Variants in RFX3 observed in about 807,000 individuals in gnomAD.
The protein encoded by RFX3 is transcription factor RFX3.
In RFX3, 14 loss-of-function variants were observed where a neutral mutation model predicts 98.6. That is an observed-to-expected ratio of 0.14 (90% confidence interval 0.09 to 0.22). The LOEUF (loss-of-function observed/expected upper bound fraction) is 0.22, where lower values mean the gene tolerates loss of function less well. Among genes scored for constraint, RFX3 ranks in the 10% least tolerant of loss-of-function variants. The pLI is 1.00. For missense variants in RFX3, 639 were observed against 926.9 expected (o/e 0.69, Z 4.03); for synonymous variants, 383 against 328.4 (o/e 1.17, Z -1.80).
chr9:3,332,276 T>G (rs1175996237), intron 3 of RFX3, among the ~76,000 whole-genome samples: 1 of 152,190 alleles, frequency 6.6e-6, no homozygotes, highest in African/African-American at 2.4e-5. Context: ...ATCTTGGGGA[T>G]AGGACCCATA....
intron 13 of RFX3, among the ~76,000 whole-genome samples, chr9:3,257,701 C>T (rs573218005): frequency 6.6e-6 from 1 of 152,258 alleles, no homozygotes; most frequent in Non-Finnish European, 1.5e-5. Context: ...CAGAAACAAA[C>T]ACTAAATGAT....
intron 7 of RFX3, among the ~76,000 whole-genome samples, chr9:3,287,516 A>G (rs1274006857): frequency 6.6e-6 from 1 of 151,974 alleles, no homozygotes; most frequent in East Asian, 1.9e-4. Flanking sequence ...AACAGAAACT[A>G]TTAATGCTTT....
At chr9:3,282,326 C>G (rs1464362676) in intron 7 of RFX3, among the ~76,000 whole-genome samples, 1 of 151,748 alleles carries the variant, frequency 6.6e-6, no homozygotes. Flanking sequence ...ATCAACCATG[C>G]TGGTTAATGA....
chr9:3,238,113 A>G (rs1819420937), intron 15 of RFX3, among the ~76,000 whole-genome samples: 1 of 152,226 alleles, frequency 6.6e-6, no homozygotes, highest in African/African-American at 2.4e-5. Context: ...CAGTGCTTCT[A>G]CCGTGTCACA....
At chr9:3,510,769 C>T (rs1817592790) in intron 1 of RFX3, among the ~76,000 whole-genome samples, 1 of 151,944 alleles carries the variant, frequency 6.6e-6, no homozygotes, top group African/African-American at 2.4e-5. Context: ...TGCAGGGTTA[C>T]ATTTACGTTT....
chr9:3,405,199 A>T (rs1356070331), intron 1 of RFX3, among the ~76,000 whole-genome samples: 1 of 152,036 alleles, frequency 6.6e-6, no homozygotes, highest in African/African-American at 2.4e-5. Context: ...GTCCCTTTGA[A>T]CAGAAAAAAA....
intron 1 of RFX3, among the ~76,000 whole-genome samples, chr9:3,429,124 G>A (rs1587647108): frequency 2.0e-5 from 3 of 149,784 alleles, no homozygotes; most frequent in South Asian, 4.2e-4. Context: ...CCGGGTTCAT[G>A]CCATTCTCCT....
chr9:3,369,573 A>T (rs1353118515), intron 2 of RFX3, among the ~76,000 whole-genome samples: 1 of 152,218 alleles, frequency 6.6e-6, no homozygotes, highest in Non-Finnish European at 1.5e-5. Flanking sequence ...ATTTTACAAG[A>T]ATAAAAGTAA....
At chr9:3,320,266 G>C (rs1831107027) in intron 4 of RFX3, among the ~76,000 whole-genome samples, 1 of 151,942 alleles carries the variant, frequency 6.6e-6, no homozygotes, top group Admixed American at 6.6e-5. Flanking sequence ...GACATCTTTA[G>C]GATTGGCTGG....
At chr9:3,431,505 C>T (rs1224559443) in intron 1 of RFX3, among the ~76,000 whole-genome samples, 2 of 152,016 alleles carry the variant, frequency 1.3e-5, no homozygotes, top group Non-Finnish European at 2.9e-5. Flanking sequence ...ACAGTTACGC[C>T]AACAGGTATG....
intron 2 of RFX3, among the ~76,000 whole-genome samples, chr9:3,390,074 C>G (rs1840144736): frequency 6.6e-6 from 1 of 152,144 alleles, no homozygotes; most frequent in Admixed American, 6.6e-5. Flanking sequence ...TTTGAAGAAA[C>G]AGAAGAAGTG....
chr9:3,364,006 G>C (rs1162055247), intron 2 of RFX3, among the ~76,000 whole-genome samples: 2 of 152,202 alleles, frequency 1.3e-5, no homozygotes, highest in Admixed American at 1.3e-4. Context: ...CTTCTGAGTA[G>C]CTGGGACCAC....
chr9:3,363,918 C>T (rs2920357), intron 2 of RFX3, among the ~76,000 whole-genome samples: 2,177 of 152,374 alleles, frequency 0.014, 53 homozygotes, highest in African/African-American at 0.049. Flanking sequence ...CTTTGTCACC[C>T]AGGCTGGAGT....
At chr9:3,404,099 A>C (rs1323916255) in intron 1 of RFX3, among the ~76,000 whole-genome samples, 1 of 152,198 alleles carries the variant, frequency 6.6e-6, no homozygotes, top group South Asian at 2.1e-4. Context: ...AATAGAAACA[A>C]TATACCCCAT....
At chr9:3,241,519 G>T (rs1395849063) in intron 15 of RFX3, among the ~76,000 whole-genome samples, 2 of 152,114 alleles carry the variant, frequency 1.3e-5, no homozygotes, top group African/African-American at 4.8e-5. Context: ...TGAGTCAACA[G>T]ATTCCTTTCT....
At chr9:3,327,406 G>A (rs1044590843) in intron 4 of RFX3, among the ~76,000 whole-genome samples, 1 of 152,128 alleles carries the variant, frequency 6.6e-6, no homozygotes, top group Non-Finnish European at 1.5e-5. Context: ...CAGTACAATT[G>A]AGACGGGGAT....
chr9:3,424,962 G>A (rs1403917171), intron 1 of RFX3, among the ~76,000 whole-genome samples: 1 of 152,142 alleles, frequency 6.6e-6, no homozygotes, highest in Admixed American at 6.5e-5. Context: ...AGGCACAGTG[G>A]TTCATACCTG....
At chr9:3,396,352 C>A (rs954590789) in intron 1 of RFX3, among the ~76,000 whole-genome samples, 1 of 151,992 alleles carries the variant, frequency 6.6e-6, no homozygotes, top group Non-Finnish European at 1.5e-5. Context: ...CATCCGTGTC[C>A]CTACAAAGGA....
chr9:3,227,827 C>T (rs994547185), intron 16 of RFX3, among the ~76,000 whole-genome samples: 1 of 152,112 alleles, frequency 6.6e-6, no homozygotes, highest in African/African-American at 2.4e-5. Flanking sequence ...ATTTTTTTGG[C>T]TATAATTTTC....
Sources: gnomAD v4.1 joint callset for allele counts (sites outside exome capture counted in the v4.1 genomes callset) on GRCh38, gnomAD v4.1.1 for gene constraint, MANE v1.5 for transcripts, NCBI Gene and HGNC (gene_info 2026-07-23, HGNC 2026-07-21) for gene names.